ARHGEF1: variants seen among roughly 807,000 people sequenced by gnomAD.
The protein encoded by ARHGEF1 is 115 kDa guanine nucleotide exchange factor.
In ARHGEF1, 40 loss-of-function variants were observed where a neutral mutation model predicts 119.7. That is an observed-to-expected ratio of 0.33 (90% CI 0.26 to 0.44). ARHGEF1 has a LOEUF of 0.44. Among genes scored for constraint, ARHGEF1 ranks in the 20% least tolerant of loss-of-function variants. The pLI is 1.00. For synonymous variants in ARHGEF1, 494 were observed against 521.0 expected (o/e 0.95, Z 0.71); for missense variants, 976 against 1,268.3 (o/e 0.77, Z 3.50).
In ARHGEF1 at chr19:41,902,970, C is replaced by A; in HGVS notation, c.1738+72C>A. The A allele has an allele frequency of 8.0e-7, 1 of 1,251,964 alleles. No individual in the cohort carries two copies. The highest frequency in any genetic ancestry group is 1.1e-6 in the Non-Finnish European group (1 of 913,910). 77.6% of individuals were successfully genotyped at this position (1,251,964 alleles called of 1,614,324 possible). A position where few individuals can be genotyped will look rare whatever the true frequency, so the allele number is the denominator to read the frequency against. The stretch of plus-strand genomic sequence containing the variant: ...TTACATTTTTTTTCTCACTCATTTT[C>A]ATCAGTGATACCATCACAGCTCACT... On this transcript the variant is annotated intron_variant, in intron 18 of 28. Transcript: ENST00000354532. This position sits in a 1 kb window ranked among gnomAD's most constrained non-coding sequence, Gnocchi z 6.5.
chr19:41,915,169 GGTTTTGATTTCTCTTCCC>G (rs1278146619), intron 18 of ARHGEF1, among the ~76,000 whole-genome samples: 3 of 104,926 alleles, frequency 2.9e-5, no homozygotes, highest in South Asian at 3.6e-4. Flanking sequence ...TTTCCGTGTT[GGTTTTGATTTCTCTTCCC>G]GACGCTTTCA....
chr19:41,912,293 CAG>C (rs1555851335), downstream of ARHGEF1, among the ~76,000 whole-genome samples: 1 of 152,192 alleles, frequency 6.6e-6, no homozygotes, highest in East Asian at 1.9e-4. Flanking sequence ...TAACCAAGGA[CAG>C]AGTCTCTGTC....
At position 41,917,994 on chromosome 19, in the gene ARHGEF1, T is replaced by G. The variant is rs1417126863; in HGVS notation, c.1866-5098T>G. On this transcript the variant is annotated intron_variant, in intron 18 of 20. Transcript: ENST00000599589. This position sits in a 1 kb window ranked among gnomAD's most constrained non-coding sequence, Gnocchi z 4.8. ...ACGTCCATGTGTACACAGAGCAGGC[T>G]CAGGGGCCGGCCCTCGACAGGCACC... is the stretch of plus-strand genomic sequence containing the variant. Among the ~76,000 whole-genome samples the G allele has an allele frequency of 6.6e-6, 1 of 151,630 alleles. No individual in the cohort carries two copies. The highest frequency in any genetic ancestry group is 1.9e-4 in the East Asian group (1 of 5,146).
Position 41,906,529 on chromosome 19 carries a change from G to T in ARHGEF1, c.2564G>T (p.Gly855Val), listed in dbSNP as rs1555850229. Residue 855 changes from glycine (G) to valine (V), a missense_variant, in exon 27 of 29, where the codon GGG becomes GTG. Coordinates refer to ENST00000354532, the MANE Select transcript of ARHGEF1 (RefSeq NM_004706.4). This position sits in a 1 kb window ranked among gnomAD's most constrained non-coding sequence, Gnocchi z 4.5. The part of the protein sequence containing the change: ...NGAGPPRDGD[G>V]VPGGGPLSPA... Reference sequence around the variant, plus strand: ...GCGGGGCCTCCTCGAGATGGGGATGGGGTCCCAGGGGGCGGCCCCCTGAGC... The same window carrying T: ...GCGGGGCCTCCTCGAGATGGGGATGTGGTCCCAGGGGGCGGCCCCCTGAGC... 2 of 1,581,460 alleles carry T rather than the reference G, an allele frequency of 1.3e-6. No homozygotes were observed. Among genetic ancestry groups the T allele is most frequent in the South Asian group, 2.3e-5 (2 of 85,884 alleles).
intron 14 of ARHGEF1, among the ~76,000 whole-genome samples, chr19:41,899,553 A>C (rs1266601457): frequency 3.0e-5 from 4 of 132,124 alleles, no homozygotes; most frequent in Admixed American, 1.7e-4. Flanking sequence ...CTTGTTGCCC[A>C]GGCTGGAGTG....
rs576333953 is a variant in ARHGEF1 at position 41,917,530 on chromosome 19, AT to A, written c.1866-5552del. ...ATCTGCACAATCGGAATGAAAATTG[AT>A]TTTTTTTTTAAATTTCATATCTTCT... On this transcript the variant is annotated intron_variant, in intron 18 of 20. Coordinates refer to the ARHGEF1 transcript ENST00000599589. The surrounding 1 kb of genome is among the most constrained non-coding windows in gnomAD (Gnocchi z 4.8). Among the ~76,000 whole-genome samples, 419 of 138,490 alleles carry A rather than the reference AT, an allele frequency of 3.0e-3. 4 individuals carry two copies. The highest frequency in any genetic ancestry group is 9.4e-3 in the African/African-American group (352 of 37,254). The allele number at this position is 138,490 out of a possible 152,430, so 90.9% of individuals were successfully genotyped here.
intron 1 of ARHGEF1, among the ~76,000 whole-genome samples, chr19:41,886,735 C>A (rs2074299282): frequency 6.6e-6 from 1 of 152,228 alleles, no homozygotes; most frequent in African/African-American, 2.4e-5. Context: ...CAGAAAGCAT[C>A]ATTGTTTAAT....
At position 41,888,822 on chromosome 19, in the gene ARHGEF1, C is replaced by T; in HGVS notation, c.182C>T (p.Ala61Val). Reference protein sequence around the residue: ...QVKRRPAHLMALLQHVALQFE... With the variant: ...QVKRRPAHLMVLLQHVALQFE... Reference sequence around the variant, plus strand: ...AAGCGGCGCCCAGCCCACCTCATGGCCCTCCTGCAGCACGTGGCCCTGCAG... The same window carrying T: ...AAGCGGCGCCCAGCCCACCTCATGGTCCTCCTGCAGCACGTGGCCCTGCAG... Residue 61 changes from alanine to valine, a missense_variant, in exon 4 of 29, where the codon GCC becomes GTC. By Grantham distance (64) the Ala-to-Val change is moderately conservative. Around this residue, in one of 3 missense-constraint regions of ARHGEF1, gnomAD observed 519 missense variants for 580.9 expected, o/e 0.89. Transcript: ENST00000354532. This position sits in a 1 kb window ranked among gnomAD's most constrained non-coding sequence, Gnocchi z 5.1. 6.2e-7 allele frequency: 1 copy of T among 1,614,258 alleles called. No individual in the cohort carries two copies. The highest frequency in any genetic ancestry group is 8.5e-7 in the Non-Finnish European group (1 of 1,180,038).
At chr19:41,891,932 A>C in intron 4 of ARHGEF1, 93 bp from the exon 5 acceptor site, 2 of 1,066,424 alleles carry the variant, frequency 1.9e-6, no homozygotes, top group Non-Finnish European at 2.7e-6. Flanking sequence ...CAGCCATAGG[A>C]TGGCCAGGAG....
At chr19:41,899,371 T>A (rs1001596348) in intron 14 of ARHGEF1, among the ~76,000 whole-genome samples, 1 of 152,126 alleles carries the variant, frequency 6.6e-6, no homozygotes, top group African/African-American at 2.4e-5. Flanking sequence ...AGGGGAAAGT[T>A]TGGGAGAATG....
intron 1 of ARHGEF1, among the ~76,000 whole-genome samples, chr19:41,886,405 G>T (rs139013953): frequency 1.3e-5 from 2 of 152,112 alleles, no homozygotes; most frequent in East Asian, 3.9e-4. Context: ...TCAGTTGAGC[G>T]TTTCTACCTC....
In ARHGEF1 at chr19:41,917,258, C is replaced by A. The variant is rs1312994347; in HGVS notation, c.1866-5834C>A. ...GTGTCTCTGTTTCCCCCATCTCTCTCTCTGGGTGCATCTCTCTGTCTCTCT... is the reference window on the plus strand; with the variant it reads ...GTGTCTCTGTTTCCCCCATCTCTCTATCTGGGTGCATCTCTCTGTCTCTCT... On this transcript the variant is annotated intron_variant, in intron 18 of 20. Transcript: ENST00000599589. This position sits in a 1 kb window ranked among gnomAD's most constrained non-coding sequence, Gnocchi z 4.8. Among the ~76,000 whole-genome samples, 1 of 152,140 alleles carries A rather than the reference C, an allele frequency of 6.6e-6. No individual in the cohort carries two copies. The highest frequency in any genetic ancestry group is 1.9e-4 in the East Asian group (1 of 5,190).
intron 13 of ARHGEF1, chr19:41,896,884 G>A (rs192313544): frequency 2.6e-4 from 40 of 153,142 alleles, no homozygotes; most frequent in Admixed American, 1.1e-3. Flanking sequence ...TCACCTCCCC[G>A]CTCCTCTCTC....
At chr19:41,921,612 C>T (rs758007494), upstream of ARHGEF1, among the ~76,000 whole-genome samples, 9 of 152,022 alleles carry the variant, frequency 5.9e-5, no homozygotes, top group South Asian at 8.3e-4. This position sits in a 1 kb window ranked among gnomAD's most constrained non-coding sequence, Gnocchi z 4.4. Context: ...CACGGGAGAG[C>T]GAGGGCCGCA....
At chr19:41,897,878 T>C (rs1226795227) in intron 13 of ARHGEF1, 8 of 1,272,294 alleles carry the variant, frequency 6.3e-6, no homozygotes, top group Non-Finnish European at 7.9e-6. Context: ...GTCTCTGTTC[T>C]TGTCTTGGTC....
At chr19:41,885,441 C>T (rs1370693662) in intron 1 of ARHGEF1, among the ~76,000 whole-genome samples, 1 of 147,908 alleles carries the variant, frequency 6.8e-6, no homozygotes, top group Non-Finnish European at 1.5e-5. Flanking sequence ...GCAATGCTCT[C>T]TGTTTTATTT....
downstream of ARHGEF1, chr19:41,908,713 G>A: frequency 8.8e-7 from 1 of 1,142,346 alleles, no homozygotes; most frequent in African/African-American, 1.6e-5. The surrounding 1 kb of genome is among the most constrained non-coding windows in gnomAD (Gnocchi z 6.7). Context: ...TGGGGCACCT[G>A]CCTGCCTGGG....
At chr19:41,924,720 G>A (rs1599681541) in intron 1 of ARHGEF1, among the ~76,000 whole-genome samples, 1 of 152,094 alleles carries the variant, frequency 6.6e-6, no homozygotes, top group African/African-American at 2.4e-5. Flanking sequence ...GGGGGTGGCT[G>A]GGAACAGGCG....
rs1412544233 is a variant in ARHGEF1 at position 41,917,968 on chromosome 19, C to T, written c.1866-5124C>T. Among the ~76,000 whole-genome samples the T allele has an allele frequency of 6.6e-6, 1 of 152,016 alleles. No homozygotes were observed. Among genetic ancestry groups the T allele is most frequent in the Non-Finnish European group, 1.5e-5 (1 of 68,008 alleles). On this transcript the variant is annotated intron_variant, in intron 18 of 20. Transcript: ENST00000599589. This position sits in a 1 kb window ranked among gnomAD's most constrained non-coding sequence, Gnocchi z 4.8. Reference sequence around the variant, plus strand: ...CACACCTGTCCGTCCAGACTATAGCCACGTCCATGTGTACACAGAGCAGGC... The same window carrying T: ...CACACCTGTCCGTCCAGACTATAGCTACGTCCATGTGTACACAGAGCAGGC...
Sources: gnomAD v4.1 joint callset for allele counts (sites outside exome capture counted in the v4.1 genomes callset) on GRCh38, gnomAD v4.1.1 for gene constraint, gnomAD v4.1.1 regional missense constraint, Gnocchi (gnomAD v3.1) non-coding constraint, MANE v1.5 for transcripts, NCBI Gene and HGNC (gene_info 2026-07-23, HGNC 2026-07-21) for gene names.